Variants in B4GALNT3 observed in about 807,000 individuals in gnomAD.
The protein encoded by B4GALNT3 is beta-1,4-N-acetylgalactosaminyltransferase 3.
B4GALNT3 carries 86 observed loss-of-function variants against 120.2 expected under a neutral mutation model. The ratio of observed to expected loss-of-function variants is 0.72; its 90% CI spans 0.60 to 0.86. The LOEUF is 0.86. Among genes scored for constraint, B4GALNT3 ranks in the 40% least tolerant of loss-of-function variants. B4GALNT3 has a pLI of 0.00. For synonymous variants in B4GALNT3, 518 were observed against 510.4 expected (o/e 1.01, Z -0.20); for missense variants, 1,167 against 1,298.9 (o/e 0.90, Z 1.56).
intron 19 of B4GALNT3, 94 bp downstream of exon 19, chr12:559,515 G>T (rs1947200578): frequency 6.5e-7 from 1 of 1,550,316 alleles, no homozygotes; most frequent in Admixed American, 1.8e-5. Flanking sequence ...GTCCCCCTCG[G>T]CCGCAGAGTC....
intron 11 of B4GALNT3, 148 bp downstream of exon 11, chr12:551,179 A>C: frequency 1.4e-6 from 1 of 709,840 alleles, no homozygotes; most frequent in Non-Finnish European, 2.4e-6. Context: ...CTGGGCTGGG[A>C]AGAACTTGCA....
chr12:509,326 A>G (rs10774266), intron 1 of B4GALNT3, among the ~76,000 whole-genome samples: 126,242 of 152,256 alleles, frequency 0.83, 52,516 homozygotes, highest in African/African-American at 0.88. Context: ...GGTGGCCTGG[A>G]GCCACTGTGC....
intron 1 of B4GALNT3, among the ~76,000 whole-genome samples, chr12:486,363 C>A (rs1044478588): frequency 6.6e-6 from 1 of 151,996 alleles, no homozygotes; most frequent in Non-Finnish European, 1.5e-5. Context: ...GTGCCTGCCA[C>A]TGCACCCGGC....
chr12:504,465 ACT>A (rs1249185992), intron 1 of B4GALNT3, among the ~76,000 whole-genome samples: 2 of 145,756 alleles, frequency 1.4e-5, no homozygotes, highest in African/African-American at 2.5e-5. Context: ...CCGCCCCCGA[ACT>A]CTTTTTTTCT....
intron 1 of B4GALNT3, among the ~76,000 whole-genome samples, chr12:517,400 G>A (rs1193496339): frequency 6.6e-6 from 1 of 152,102 alleles, no homozygotes; most frequent in African/African-American, 2.4e-5. Context: ...GTGATTTAGG[G>A]GGAGGGAGGT....
rs562696893 is a variant in B4GALNT3 at position 480,910 on chromosome 12, G to A, written c.169+20365G>A. 6.6e-5 allele frequency among the ~76,000 whole-genome samples: 10 copies of A among 152,358 alleles called. No homozygotes were observed. In the East Asian group the frequency reaches 1.9e-3, roughly 29 times the overall value. On this transcript the variant is annotated intron_variant, in intron 1 of 19. Transcript: ENST00000266383. The stretch of plus-strand genomic sequence containing the variant: ...TCCTCCTCTGCCCTTGCAGGCCAAG[G>A]ACTGGACCAGTCCCTCTCAGCCTTG...
intron 1 of B4GALNT3, among the ~76,000 whole-genome samples, chr12:461,390 A>G (rs1034126736): frequency 1.3e-5 from 2 of 152,136 alleles, no homozygotes; most frequent in Non-Finnish European, 2.9e-5. Flanking sequence ...TTGCCTTTTT[A>G]CATCAATAGG....
chr12:547,446 G>A (rs1947022147), intron 7 of B4GALNT3, among the ~76,000 whole-genome samples: 1 of 152,158 alleles, frequency 6.6e-6, no homozygotes. Context: ...AGAAGGCCGT[G>A]TGCACCCCAT....
intron 1 of B4GALNT3, among the ~76,000 whole-genome samples, chr12:486,768 T>A (rs983210515): frequency 3.3e-5 from 5 of 152,100 alleles, no homozygotes; most frequent in African/African-American, 1.2e-4. Flanking sequence ...TCATAATTTG[T>A]TTTACTCAGC....
intron 9 of B4GALNT3, among the ~76,000 whole-genome samples, chr12:549,130 A>G (rs995200962): frequency 6.6e-6 from 1 of 152,134 alleles, no homozygotes; most frequent in African/African-American, 2.4e-5. Flanking sequence ...CATGCCATCC[A>G]TAGGCCTCCG....
intron 1 of B4GALNT3, among the ~76,000 whole-genome samples, chr12:508,809 AC>A (rs1946520844): frequency 6.6e-6 from 1 of 152,228 alleles, no homozygotes; most frequent in African/African-American, 2.4e-5. Context: ...GTAAGGGAGA[AC>A]TAGACAACTC....
chr12:517,371 T>G (rs151073665), intron 1 of B4GALNT3, among the ~76,000 whole-genome samples: 2 of 152,034 alleles, frequency 1.3e-5, no homozygotes, highest in Non-Finnish European at 1.5e-5. Context: ...ACCTTCTGCT[T>G]GACACACTTC....
intron 1 of B4GALNT3, among the ~76,000 whole-genome samples, chr12:525,147 C>T (rs1449871241): frequency 6.6e-6 from 1 of 151,640 alleles, no homozygotes; most frequent in Non-Finnish European, 1.5e-5. Context: ...CTCGCTCTGT[C>T]GCCCGGGCTG....
intron 1 of B4GALNT3, among the ~76,000 whole-genome samples, chr12:466,340 G>A (rs1946080822): frequency 2.0e-5 from 3 of 152,100 alleles, no homozygotes; most frequent in Admixed American, 2.0e-4. Context: ...CTTTGGAAGG[G>A]GTCCTAGAGG....
intron 1 of B4GALNT3, among the ~76,000 whole-genome samples, chr12:490,892 C>T (rs1946333752): frequency 6.6e-6 from 1 of 152,106 alleles, no homozygotes. Flanking sequence ...AATTAATAAC[C>T]TTTCAAAACA....
At chr12:554,575 G>A (rs7958496) in intron 14 of B4GALNT3, among the ~76,000 whole-genome samples, 64,812 of 150,004 alleles carry the variant, frequency 0.43, 17,339 homozygotes, top group African/African-American at 0.76. Flanking sequence ...CGGATCACGA[G>A]GTCAGGAGAT....
At chr12:477,204 C>T (rs953845234) in intron 1 of B4GALNT3, among the ~76,000 whole-genome samples, 1 of 152,200 alleles carries the variant, frequency 6.6e-6, no homozygotes, top group African/African-American at 2.4e-5. Flanking sequence ...CTGAGGATGC[C>T]TCCTTTTAAC....
intron 17 of B4GALNT3, 129 bp from the exon 18 acceptor site, chr12:558,379 A>C: frequency 1.1e-6 from 1 of 887,880 alleles, no homozygotes; most frequent in Non-Finnish European, 1.8e-6. Flanking sequence ...AACTCTGCCC[A>C]GCAGCTGGTT....
intron 1 of B4GALNT3, among the ~76,000 whole-genome samples, chr12:506,619 C>A (rs1034093302): frequency 6.6e-6 from 1 of 152,034 alleles, no homozygotes; most frequent in African/African-American, 2.4e-5. Flanking sequence ...CTTACAAGTG[C>A]ATTTTTATTT....
Sources: gnomAD v4.1 joint callset for allele counts (sites outside exome capture counted in the v4.1 genomes callset) on GRCh38, gnomAD v4.1.1 for gene constraint, MANE v1.5 for transcripts, NCBI Gene and HGNC (gene_info 2026-07-23, HGNC 2026-07-21) for gene names.